Variants in AHI1 observed in about 807,000 individuals in gnomAD.
AHI1 encodes the protein Abelson helper integration site 1.
Under a neutral mutation model 149.3 loss-of-function variants are expected in AHI1, and 123 were observed. That is an observed-to-expected ratio of 0.82 (90% confidence interval 0.71 to 0.96). AHI1 has a LOEUF of 0.96. Among genes scored for constraint, AHI1 ranks in the 40% least tolerant of loss-of-function variants. The pLI is 0.00. For synonymous variants in AHI1, 475 were observed against 459.8 expected, an observed-to-expected ratio of 1.03 and a Z score of -0.42; for missense variants, 1,439 against 1,422.7, an observed-to-expected ratio of 1.01 and a Z score of -0.18.
At position 135,428,774 on chromosome 6, in the gene AHI1, G is replaced by C; in HGVS notation, c.2493-15C>G. On this transcript the variant is annotated splice_polypyrimidine_tract_variant and intron_variant, in intron 18 of 28. Transcript: ENST00000265602. Reference sequence around the variant, plus strand: ...TTGCTACTAATCTACAAGCAAAAAAGATTTTACAAATGTAACTGTCTTAAT... The same window carrying C: ...TTGCTACTAATCTACAAGCAAAAAACATTTTACAAATGTAACTGTCTTAAT... 1 of 1,587,528 alleles carries C rather than the reference G, an allele frequency of 6.3e-7. No homozygotes were observed. Among genetic ancestry groups the C allele is most frequent in the Non-Finnish European group, 8.6e-7 (1 of 1,165,702 alleles).
chr6:135,462,213 T>TA (rs1388649932), intron 8 of AHI1, among the ~76,000 whole-genome samples: 1 of 151,960 alleles, frequency 6.6e-6, no homozygotes, highest in African/African-American at 2.4e-5. Context: ...ATAAGTACTA[T>TA]AAAATCTAAA....
chr6:135,322,394 C>A (rs1051738498), intron 25 of AHI1, among the ~76,000 whole-genome samples: 1 of 152,054 alleles, frequency 6.6e-6, no homozygotes, highest in African/African-American at 2.4e-5. Flanking sequence ...AGGCTCTCTG[C>A]GTTCGTTCTG....
intron 22 of AHI1, 139 bp downstream of exon 22, chr6:135,404,812 T>C (rs1405134733): frequency 2.9e-6 from 2 of 696,100 alleles, no homozygotes; most frequent in South Asian, 3.8e-5. Context: ...AATTCTGTGA[T>C]AAAGCTGAGC....
In AHI1 at chr6:135,287,435, T is replaced by C. The variant is rs151111749; in HGVS notation, c.3589-1788A>G. On this transcript the variant is annotated intron_variant, in intron 28 of 28. Coordinates refer to ENST00000265602, the MANE Select transcript of AHI1 (RefSeq NM_001134831.2). ...AAAAGAGACAGAATAAAGATGGTCA[T>C]GTGCACCCTTCGGACACTGGCGGCT... 2.2e-3 allele frequency among the ~76,000 whole-genome samples: 339 copies of C among 152,278 alleles called. 2 individuals are homozygous for C. Among genetic ancestry groups the C allele is most frequent in the African/African-American group, 7.4e-3 (306 of 41,540 alleles).
intron 24 of AHI1, among the ~76,000 whole-genome samples, chr6:135,350,658 G>A (rs542843194): frequency 4.6e-5 from 7 of 152,236 alleles, no homozygotes; most frequent in African/African-American, 1.7e-4. Context: ...GGTGAAGGAA[G>A]GTCTTTTGAA....
In AHI1 at chr6:135,382,214, A is replaced by G. The variant is rs185563206; in HGVS notation, c.3109+12562T>C. ...AAAAAAAATGACCAGTCACGCATAT[A>G]GTCATTTGTCACTTTCCGTATTTCT... On this transcript the variant is annotated intron_variant, in intron 23 of 28. Transcript: ENST00000265602. 4.6e-5 allele frequency among the ~76,000 whole-genome samples: 7 copies of G among 152,348 alleles called. No individual in the cohort carries two copies. The East Asian group carries it at 1.4e-3, about 29-fold the overall frequency.
intron 23 of AHI1, among the ~76,000 whole-genome samples, chr6:135,364,620 G>A (rs1440442966): frequency 1.3e-5 from 2 of 151,822 alleles, no homozygotes; most frequent in African/African-American, 2.4e-5. Flanking sequence ...CTGAGTGAAC[G>A]AGACTCCGTC....
intron 26 of AHI1, among the ~76,000 whole-genome samples, chr6:135,304,507 C>G (rs1002432234): frequency 6.6e-6 from 1 of 151,648 alleles, no homozygotes; most frequent in African/African-American, 2.4e-5. Context: ...TGTGGTGGCT[C>G]ACACCTGTAA....
chr6:135,312,556 CCAAA>C lies in AHI1; in HGVS notation c.3426+5959_3426+5962del, dbSNP rs572876145. ...AAAAACCAACCAACCAACCAAGCAA[CCAAA>C]CAAAGAAAACAAAAACAAACAAACC... On this transcript the variant is annotated intron_variant, in intron 26 of 28. Transcript: ENST00000265602. Among the ~76,000 whole-genome samples, 476 of 152,052 alleles carry C rather than the reference CCAAA, an allele frequency of 3.1e-3. 1 individual carries two copies. Among genetic ancestry groups the C allele is most frequent in the Middle Eastern group, 6.8e-3 (2 of 294 alleles).
chr6:135,448,528 C>A (rs1583283399), intron 11 of AHI1, 53 bp from the exon 12 acceptor site: 3 of 1,251,176 alleles, frequency 2.4e-6, no homozygotes, highest in South Asian at 2.4e-5. Flanking sequence ...TAAATATATC[C>A]AATAAAGCAA....
In AHI1 at chr6:135,290,455, T is replaced by C. The variant is rs753158533; in HGVS notation, c.3556A>G (p.Lys1186Glu). ...HIMDTRMRKN[K>E]QAGRKVTLIE ...AGAGTGACTTTTCTGCCTGCTTGCT[T>C]GTTCTTCCTCATCCGTGTATCCATT... The change falls in exon 28 of 29, where the codon AAG (lysine) becomes GAG (glutamate). Residue 1186 changes from lysine (K) to glutamate (E), a missense_variant. Coordinates refer to ENST00000265602, the MANE Select transcript of AHI1 (RefSeq NM_001134831.2). 6.2e-7 allele frequency: 1 copy of C among 1,612,606 alleles called. No homozygotes were observed. Among genetic ancestry groups the C allele is most frequent in the South Asian group, 1.1e-5 (1 of 91,052 alleles).
chr6:135,445,844 CAGG>C (rs1362120785), intron 13 of AHI1, among the ~76,000 whole-genome samples: 3 of 152,098 alleles, frequency 2.0e-5, no homozygotes, highest in Non-Finnish European at 1.5e-5. Context: ...ATCACGAGGT[CAGG>C]AGATCGAGAC....
chr6:135,433,971 T>C lies in AHI1; in HGVS notation c.2037-715A>G, dbSNP rs77968786. Among the ~76,000 whole-genome samples the C allele has an allele frequency of 1.6e-3, 240 of 152,156 alleles. 2 individuals carry two copies. The highest frequency in any genetic ancestry group is 4.9e-3 in the African/African-American group (205 of 41,570). On this transcript the variant is annotated intron_variant, in intron 15 of 28. Coordinates refer to ENST00000265602, the MANE Select transcript of AHI1 (RefSeq NM_001134831.2). ...TGACAAATGAGTAAACCCTTAAGGG[T>C]TAACCTCTTAGATACTCTGCATTTC...
intron 20 of AHI1, among the ~76,000 whole-genome samples, chr6:135,421,092 G>C (rs1299823523): frequency 6.6e-6 from 1 of 152,154 alleles, no homozygotes; most frequent in Admixed American, 6.5e-5. Flanking sequence ...GGGGCAGTCA[G>C]AACACTGAAA....
chr6:135,315,867 T>C (rs1222025956), intron 26 of AHI1, among the ~76,000 whole-genome samples: 1 of 152,204 alleles, frequency 6.6e-6, no homozygotes, highest in African/African-American at 2.4e-5. Flanking sequence ...ACTTCAACCC[T>C]TTATTAACTT....
intron 24 of AHI1, among the ~76,000 whole-genome samples, chr6:135,340,759 T>C (rs1247336684): frequency 1.4e-5 from 2 of 148,070 alleles, no homozygotes; most frequent in South Asian, 2.1e-4. Flanking sequence ...GAAATAGTTA[T>C]AAAAATAAGT....
intron 5 of AHI1, among the ~76,000 whole-genome samples, chr6:135,480,185 C>T (rs1793394815): frequency 2.6e-5 from 4 of 152,246 alleles, no homozygotes; most frequent in Middle Eastern, 3.4e-3. Context: ...TTCAGCCAGG[C>T]GTGGTGGCTC....
At chr6:135,303,115 T>C (rs1192252645) in intron 26 of AHI1, among the ~76,000 whole-genome samples, 4 of 152,170 alleles carry the variant, frequency 2.6e-5, no homozygotes, top group Admixed American at 6.6e-5. Context: ...ATAGTTAACA[T>C]AAAATAAATG....
chr6:135,478,413 G>A (rs537064165), intron 5 of AHI1, among the ~76,000 whole-genome samples: 2 of 152,338 alleles, frequency 1.3e-5, no homozygotes, highest in East Asian at 3.9e-4. Flanking sequence ...TACTTTAGCA[G>A]AGACTGGCGG....
Sources: gnomAD v4.1 joint callset for allele counts (sites outside exome capture counted in the v4.1 genomes callset) on GRCh38, gnomAD v4.1.1 for gene constraint, MANE v1.5 for transcripts, NCBI Gene and HGNC (gene_info 2026-07-23, HGNC 2026-07-21) for gene names.